Variants in ASPRV1 observed in about 807,000 individuals in gnomAD.
ASPRV1 encodes aspartic peptidase retroviral like 1.
A neutral mutation model predicts 11.0 loss-of-function variants in ASPRV1; 7 were observed. The observed-to-expected ratio is 0.64, with a 90% CI of 0.36 to 1.20. The LOEUF is 1.20. ASPRV1 is among the 50% of genes most tolerant of loss of function. The pLI is 0.02. For missense variants in ASPRV1, 299 were observed against 320.0 expected (o/e 0.93, Z 0.50); for synonymous variants, 136 against 138.4 (o/e 0.98, Z 0.12).
the ASPRV1 span, among the ~76,000 whole-genome samples, chr2:70,021,824 T>C: frequency 6.6e-6 from 1 of 151,588 alleles, no homozygotes; most frequent in Non-Finnish European, 1.5e-5. Context: ...TGCCTCAGCC[T>C]CCTGAGTAGC....
At chr2:70,084,212 T>C in the ASPRV1 span, among the ~76,000 whole-genome samples, 6 of 152,164 alleles carry the variant, frequency 3.9e-5, no homozygotes, top group African/African-American at 1.4e-4. Context: ...ACCTGACAGA[T>C]AAAATTTTCT....
downstream of ASPRV1, among the ~76,000 whole-genome samples, chr2:69,959,626 G>A (rs545916577): frequency 2.6e-5 from 4 of 152,074 alleles, no homozygotes; most frequent in African/African-American, 7.2e-5. Context: ...AGCCTCCCCC[G>A]TCCTCCAGCA....
At position 69,960,464 on chromosome 2, in the gene ASPRV1, T is replaced by G. The variant is rs765645434; in HGVS notation, c.*193A>C. 2.5e-5 allele frequency: 15 copies of G among 608,482 alleles called. No individual in the cohort carries two copies. Among genetic ancestry groups the G allele is most frequent in the Admixed American group, 5.9e-5 (2 of 33,650 alleles). 37.7% of individuals were successfully genotyped at this position (608,482 alleles called of 1,614,324 possible). A position where few individuals can be genotyped will look rare whatever the true frequency, so the allele number is the denominator to read the frequency against. On this transcript the variant is annotated 3_prime_UTR_variant, in exon 1 of 1. Coordinates refer to ENST00000320256, the MANE Select transcript of ASPRV1 (RefSeq NM_152792.4). ...CTAAGCCAGCCTGCTCTCCCTCACC[T>G]GTGCCTGTTCAGTGGAAGCCTCCCC...
chr2:69,970,485 T>C, the ASPRV1 span, among the ~76,000 whole-genome samples: 1 of 152,138 alleles, frequency 6.6e-6, no homozygotes, highest in Non-Finnish European at 1.5e-5. Flanking sequence ...CTCATACCTT[T>C]TCACAAGCCA....
chr2:69,937,171 C>CG, the ASPRV1 span: 1 of 1,587,904 alleles, frequency 6.3e-7, no homozygotes, highest in Non-Finnish European at 8.6e-7. Flanking sequence ...AGGGAAGATG[C>CG]GGGGGCCATT....
the ASPRV1 span, among the ~76,000 whole-genome samples, chr2:70,083,992 T>A: frequency 1.3e-5 from 2 of 151,992 alleles, no homozygotes; most frequent in African/African-American, 4.8e-5. Context: ...CTGTATGACA[T>A]GTTACCAACC....
At chr2:70,053,040 T>C in the ASPRV1 span, among the ~76,000 whole-genome samples, 5,717 of 152,220 alleles carry the variant, frequency 0.038, 366 homozygotes, top group African/African-American at 0.13. Context: ...CCTGTACTCA[T>C]AAGCTATCCT....
downstream of ASPRV1, among the ~76,000 whole-genome samples, chr2:69,958,769 A>T (rs1457307527): frequency 1.3e-5 from 2 of 152,100 alleles, no homozygotes; most frequent in Non-Finnish European, 2.9e-5. Flanking sequence ...GGGATGCAGG[A>T]TCTGGGAGTC....
chr2:69,947,721 G>GTGA, the ASPRV1 span, among the ~76,000 whole-genome samples: 1 of 152,188 alleles, frequency 6.6e-6, no homozygotes, highest in African/African-American at 2.4e-5. Flanking sequence ...TTGGGGTCAA[G>GTGA]GGTGTGGAGA....
chr2:70,041,462 T>G, the ASPRV1 span, among the ~76,000 whole-genome samples: 1 of 152,168 alleles, frequency 6.6e-6, no homozygotes, highest in African/African-American at 2.4e-5. Flanking sequence ...TTATCTCCAT[T>G]CAAGGATTGA....
At chr2:70,066,077 T>C in the ASPRV1 span, among the ~76,000 whole-genome samples, 1 of 151,102 alleles carries the variant, frequency 6.6e-6, no homozygotes, top group Non-Finnish European at 1.5e-5. Context: ...GGCATGGTGG[T>C]GCACACCCAT....
At chr2:69,934,924 A>G in the ASPRV1 span, among the ~76,000 whole-genome samples, 1 of 152,336 alleles carries the variant, frequency 6.6e-6, no homozygotes, top group African/African-American at 2.4e-5. Flanking sequence ...ATGCTCCTTG[A>G]CTTATGATGG....
At chr2:70,062,983 T>C in the ASPRV1 span, among the ~76,000 whole-genome samples, 1 of 152,138 alleles carries the variant, frequency 6.6e-6, no homozygotes, top group Non-Finnish European at 1.5e-5. Flanking sequence ...TTTCCCAGCA[T>C]GGCCCTAGGA....
the ASPRV1 span, among the ~76,000 whole-genome samples, chr2:70,058,176 T>A: frequency 1.6e-4 from 25 of 152,234 alleles, no homozygotes; most frequent in Admixed American, 1.6e-3. Context: ...ACACATCATC[T>A]TCTCAATGCT....
downstream of ASPRV1, chr2:69,960,086 T>C (rs1339847578): frequency 6.5e-6 from 1 of 153,386 alleles, no homozygotes; most frequent in African/African-American, 2.4e-5. Flanking sequence ...ACACATTACA[T>C]GGTTTTTCCA....
the ASPRV1 span, among the ~76,000 whole-genome samples, chr2:69,968,943 T>G: frequency 6.6e-6 from 1 of 152,198 alleles, no homozygotes; most frequent in South Asian, 2.1e-4. Flanking sequence ...TTCCTGAATC[T>G]CCAAATTCTC....
chr2:70,071,496 C>A, the ASPRV1 span: 2 of 152,214 alleles, frequency 1.3e-5, no homozygotes, highest in African/African-American at 4.8e-5. Flanking sequence ...AATCCCAGCA[C>A]TTTGGGAGGC....
upstream of ASPRV1, chr2:69,964,485 T>C (rs1678268933): frequency 3.1e-6 from 1 of 325,912 alleles, no homozygotes; most frequent in African/African-American, 2.2e-5. Flanking sequence ...CCTTGGGAGG[T>C]ACCCATCCCT....
At chr2:69,947,839 C>T in the ASPRV1 span, among the ~76,000 whole-genome samples, 2 of 151,916 alleles carry the variant, frequency 1.3e-5, no homozygotes, top group African/African-American at 4.9e-5. Flanking sequence ...GAAATAATCC[C>T]TCCTGTCTAG....
Sources: gnomAD v4.1 joint callset for allele counts (sites outside exome capture counted in the v4.1 genomes callset) on GRCh38, gnomAD v4.1.1 for gene constraint, MANE v1.5 for transcripts, NCBI Gene and HGNC (gene_info 2026-07-23, HGNC 2026-07-21) for gene names.